PPARGC1B: variants seen among roughly 807,000 people sequenced by gnomAD.
PPARGC1B encodes the protein PPARG coactivator 1 beta, also known as peroxisome proliferator-activated receptor gamma coactivator 1-beta.
A neutral mutation model predicts 101.6 loss-of-function variants in PPARGC1B; 34 were observed. That is an observed-to-expected ratio of 0.33 (90% CI 0.25 to 0.45). PPARGC1B has a LOEUF of 0.45. Ranked by LOEUF, PPARGC1B falls within the 20% of genes least tolerant of loss-of-function variation. PPARGC1B has a pLI of 1.00. For synonymous variants in PPARGC1B, 548 were observed against 539.3 expected (o/e 1.02, Z -0.22); for missense variants, 1,234 against 1,317.6 (o/e 0.94, Z 0.98).
chr5:149,787,737 A>G (rs1219585089), intron 1 of PPARGC1B, among the ~76,000 whole-genome samples: 1 of 152,218 alleles, frequency 6.6e-6, no homozygotes, highest in African/African-American at 2.4e-5. Flanking sequence ...TGACACATGT[A>G]GGGACATGGA....
At chr5:149,841,514 T>C (rs1759334525) in intron 9 of PPARGC1B, among the ~76,000 whole-genome samples, 1 of 152,174 alleles carries the variant, frequency 6.6e-6, no homozygotes, top group South Asian at 2.1e-4. Flanking sequence ...CTATAACCTG[T>C]TTCCAGAGCA....
downstream of PPARGC1B, among the ~76,000 whole-genome samples, chr5:149,855,288 AC>A: frequency 6.6e-6 from 1 of 152,160 alleles, no homozygotes. Context: ...ACATAGTGAG[AC>A]CCCCATCTCT....
chr5:149,751,776 A>C (rs1755316472), intron 1 of PPARGC1B, among the ~76,000 whole-genome samples: 1 of 152,074 alleles, frequency 6.6e-6, no homozygotes, highest in Non-Finnish European at 1.5e-5. Flanking sequence ...GCAGTGCTTA[A>C]GAAAATAAAG....
At chr5:149,826,937 C>A in intron 3 of PPARGC1B, 52 bp downstream of exon 3, 1 of 1,418,490 alleles carries the variant, frequency 7.0e-7, no homozygotes, top group Non-Finnish European at 9.8e-7. Context: ...GATTAGGTTT[C>A]TGGTTCAGGG....
intron 1 of PPARGC1B, among the ~76,000 whole-genome samples, chr5:149,761,240 T>C (rs1336694099): frequency 1.3e-5 from 2 of 152,170 alleles, no homozygotes; most frequent in African/African-American, 4.8e-5. Flanking sequence ...TATCTTTGTG[T>C]GTGTGTGCTT....
chr5:149,831,204 G>A (rs1758769993), intron 4 of PPARGC1B, among the ~76,000 whole-genome samples: 1 of 152,210 alleles, frequency 6.6e-6, no homozygotes, highest in Non-Finnish European at 1.5e-5. Flanking sequence ...ATGCAAGATT[G>A]CGCTGGTTGT....
intron 1 of PPARGC1B, among the ~76,000 whole-genome samples, chr5:149,780,864 C>T (rs1432647717): frequency 1.3e-5 from 2 of 152,298 alleles, no homozygotes; most frequent in East Asian, 3.9e-4. Context: ...AGAGGCGTGG[C>T]ACTGGTAAGT....
At position 149,835,468 on chromosome 5, in the gene PPARGC1B, G is replaced by A. The variant is rs45549642; in HGVS notation, c.1807+103G>A. On this transcript the variant is annotated intron_variant, in intron 7 of 11. Coordinates refer to ENST00000309241, the MANE Select transcript of PPARGC1B (RefSeq NM_133263.4). The stretch of plus-strand genomic sequence containing the variant: ...CAAGGTGCCACGCAATGAACGATGC[G>A]CAAGATGCCTGCCTTCACGGGGCTT... 344 of 997,508 alleles carry A rather than the reference G, an allele frequency of 3.4e-4. 1 individual carries two copies. The highest frequency in any genetic ancestry group is 2.8e-3 in the African/African-American group (172 of 61,184). 61.8% of individuals were successfully genotyped at this position (997,508 alleles called of 1,614,324 possible). A position where few individuals can be genotyped will look rare whatever the true frequency, so the allele number is the denominator to read the frequency against.
intron 1 of PPARGC1B, among the ~76,000 whole-genome samples, chr5:149,798,433 G>A (rs1757311083): frequency 6.6e-6 from 1 of 152,182 alleles, no homozygotes; most frequent in Non-Finnish European, 1.5e-5. Context: ...GGGGTAAAAT[G>A]GAGTTCTGAA....
At chr5:149,824,499 G>A (rs557424471) in intron 2 of PPARGC1B, among the ~76,000 whole-genome samples, 10 of 152,296 alleles carry the variant, frequency 6.6e-5, no homozygotes, top group African/African-American at 2.4e-4. Flanking sequence ...AGCCCAGGGA[G>A]GAAGGCTGGC....
Position 149,832,423 on chromosome 5 carries a change from G to A in PPARGC1B, c.583-233G>A, listed in dbSNP as rs1241538072. Among the ~76,000 whole-genome samples the A allele has an allele frequency of 1.3e-5, 2 of 152,154 alleles. No individual in the cohort carries two copies. Among genetic ancestry groups the A allele is most frequent in the African/African-American group, 4.8e-5 (2 of 41,420 alleles). On this transcript the variant is annotated intron_variant, in intron 4 of 11. Coordinates refer to ENST00000309241, the MANE Select transcript of PPARGC1B (RefSeq NM_133263.4). The surrounding 1 kb of genome is among the most constrained non-coding windows in gnomAD (Gnocchi z 4.9). ...TGAATCTGGAAGGGTCTGCAGGGGC[G>A]AAATTCCATGGCTGGGAGAGCTGTT...
At position 149,850,775 on chromosome 5, in the gene PPARGC1B, T is replaced by C. The variant is rs992302847; in HGVS notation, c.*3217T>C. ...GCCGCCCGCACAGGGCAGGTCGTAC[T>C]GTCCGTTTCTGTGCCGTGCTGGTGT... is the stretch of plus-strand genomic sequence containing the variant. On this transcript the variant is annotated 3_prime_UTR_variant, in exon 12 of 12. Transcript: ENST00000309241. 2 of 152,284 alleles carry C rather than the reference T, an allele frequency of 1.3e-5. No individual in the cohort carries two copies. The highest frequency in any genetic ancestry group is 4.1e-4 in the South Asian group (2 of 4,828). 9.4% of individuals were successfully genotyped at this position (152,284 alleles called of 1,614,324 possible). A position where few individuals can be genotyped will look rare whatever the true frequency, so the allele number is the denominator to read the frequency against.
chr5:149,840,486 A>G (rs754909370), intron 9 of PPARGC1B, among the ~76,000 whole-genome samples: 7 of 152,108 alleles, frequency 4.6e-5, no homozygotes, highest in African/African-American at 9.7e-5. Flanking sequence ...ACCACCTTCT[A>G]TGTGACCGTG....
chr5:149,773,597 G>A (rs1256379391), intron 1 of PPARGC1B, among the ~76,000 whole-genome samples: 1 of 152,236 alleles, frequency 6.6e-6, no homozygotes, highest in African/African-American at 2.4e-5. Context: ...GGGGTCAGGA[G>A]GAGGACAGAC....
chr5:149,741,421 C>T (rs1344386566), intron 1 of PPARGC1B, among the ~76,000 whole-genome samples: 1 of 152,332 alleles, frequency 6.6e-6, no homozygotes, highest in East Asian at 1.9e-4. Context: ...GCAACCCGGC[C>T]TTTATGCTGC....
At position 149,730,702 on chromosome 5, in the gene PPARGC1B, G is replaced by A. The variant is rs902553636; in HGVS notation, c.78+282G>A. Among the ~76,000 whole-genome samples, 2 of 152,202 alleles carry A rather than the reference G, an allele frequency of 1.3e-5. No homozygotes were observed. Among genetic ancestry groups the A allele is most frequent in the Admixed American group, 6.5e-5 (1 of 15,286 alleles). ...GCCACCCCGCGGGCAAAACTGGGGG[G>A]TACCGCGCTTCCTTTGGGAGGTGGA... On this transcript the variant is annotated intron_variant, in intron 1 of 11. Transcript: ENST00000309241. This position sits in a 1 kb window ranked among gnomAD's most constrained non-coding sequence, Gnocchi z 4.0.
At position 149,854,532 on chromosome 5, in the gene PPARGC1B, G is replaced by A. The variant is rs902404060; in HGVS notation, c.*6974G>A. 2.6e-5 allele frequency: 4 copies of A among 152,138 alleles called. No individual in the cohort carries two copies. The highest frequency in any genetic ancestry group is 9.7e-5 in the African/African-American group (4 of 41,432). The allele number at this position is 152,138 out of a possible 1,614,324, so 9.4% of individuals were successfully genotyped here. ...TTTTTAAAGGACACTGCTAATGATT[G>A]AGAATCAAGTTTTTAGTTTTGCTAT... On this transcript the variant is annotated 3_prime_UTR_variant, in exon 12 of 12. Coordinates refer to ENST00000309241, the MANE Select transcript of PPARGC1B (RefSeq NM_133263.4).
At chr5:149,740,075 G>GCC (rs1297689451) in intron 1 of PPARGC1B, 1 of 152,262 alleles carries the variant, frequency 6.6e-6, no homozygotes, top group East Asian at 1.9e-4. Flanking sequence ...GTGGGATAAA[G>GCC]CCATTGATTA....
At chr5:149,760,254 G>C (rs1755671063) in intron 1 of PPARGC1B, among the ~76,000 whole-genome samples, 1 of 152,158 alleles carries the variant, frequency 6.6e-6, no homozygotes, top group African/African-American at 2.4e-5. Context: ...GAGGGCTCTG[G>C]GCAGCAGTTC....
Sources: gnomAD v4.1 joint callset for allele counts (sites outside exome capture counted in the v4.1 genomes callset) on GRCh38, gnomAD v4.1.1 for gene constraint, Gnocchi (gnomAD v3.1) non-coding constraint, MANE v1.5 for transcripts, NCBI Gene and HGNC (gene_info 2026-07-23, HGNC 2026-07-21) for gene names.